The following AATK variants were observed in gnomAD, a reference collection of about 807,000 sequenced individuals.
AATK encodes the protein lemur tail kinase 1, also known as serine/threonine-protein kinase LMTK1.
Under a neutral mutation model 114.3 loss-of-function variants are expected in AATK, and 91 were observed. The ratio of observed to expected loss-of-function variants is 0.80; its 90% CI spans 0.67 to 0.95. The LOEUF is 0.95. Ranked by LOEUF, AATK falls within the 40% of genes least tolerant of loss-of-function variation. AATK has a pLI of 0.00. For missense variants in AATK, 2,176 were observed against 1,965.2 expected (o/e 1.11, Z -2.03); for synonymous variants, 1,075 against 916.5 (o/e 1.17, Z -3.12).
At chr17:81,139,656 C>T (rs966106549) in intron 1 of AATK, among the ~76,000 whole-genome samples, 1 of 152,116 alleles carries the variant, frequency 6.6e-6, no homozygotes, top group African/African-American at 2.4e-5. Context: ...GCCCAAGTAG[C>T]TGCACTGAAA....
At chr17:81,159,445 C>T (rs12450689) in intron 1 of AATK, among the ~76,000 whole-genome samples, 120,017 of 152,012 alleles carry the variant, frequency 0.79, 47,504 homozygotes, top group East Asian at 0.85. Context: ...GCCCCGGACC[C>T]GCACCCCGGA....
chr17:81,121,588 G>A lies in AATK; in HGVS notation c.2348C>T (p.Ala783Val). The change falls in exon 11 of 14, where the codon GCC becomes GTC. Residue 783 changes from alanine to valine, a missense_variant. Ala to Val is a moderately conservative substitution (Grantham distance 64). Coordinates refer to ENST00000326724, the MANE Select transcript of AATK (RefSeq NM_001080395.3). ...TCCGGTAGTGCCCTCAGCCTCCGTG[G>A]CAAGCTTGGGCTCTGCCTGCGGGTG... is the stretch of plus-strand genomic sequence containing the variant. ...GDHPQAEPKL[A>V]TEAEGTTGPR... 1.3e-6 allele frequency: 2 copies of A among 1,504,668 alleles called. No homozygotes were observed. The highest frequency in any genetic ancestry group is 2.7e-5 in the South Asian group (2 of 74,546). 93.2% of individuals were successfully genotyped at this position (1,504,668 alleles called of 1,614,324 possible).
chr17:81,121,866 G>T lies in AATK; in HGVS notation c.2070C>A (p.Ser690Arg). The change falls in exon 11 of 14, where the codon AGC (serine) becomes AGA (arginine). Residue 690 changes from serine (S) to arginine (R), a missense_variant. Physicochemically the swap from Ser to Arg is moderately radical, Grantham distance 110. Coordinates refer to ENST00000326724, the MANE Select transcript of AATK (RefSeq NM_001080395.3). ...CGGGGTCCCAGGACTCTGGACAGCG[G>T]CTGCCGCTGTTGTTGTTGGCTGACA... ...SNVSANNNSGSRCPESWDPVS... is the reference protein window; with the variant it reads ...SNVSANNNSGRRCPESWDPVS... The T allele has an allele frequency of 6.3e-7, 1 of 1,597,344 alleles. No individual in the cohort carries two copies. The highest frequency in any genetic ancestry group is 8.5e-7 in the Non-Finnish European group (1 of 1,178,422).
At position 81,122,290 on chromosome 17, in the gene AATK, C is replaced by CCGGCGCAGT. The variant is rs1454858995; in HGVS notation, c.1637_1645dup (p.Asp546_Ala548dup). ...GGTGGCAGGTGGACTGGGGGCGCAG[C>CCGGCGCAGT]CGGCGCAGTCAGGGTCGTGGCCGGC... On this transcript the variant is annotated inframe_insertion, in exon 11 of 14. Transcript: ENST00000326724. The CCGGCGCAGT allele has an allele frequency of 4.0e-6, 6 of 1,502,976 alleles. No individual in the cohort carries two copies. The highest frequency in any genetic ancestry group is 5.3e-6 in the Non-Finnish European group (6 of 1,132,948). 93.1% of individuals were successfully genotyped at this position (1,502,976 alleles called of 1,614,324 possible). A position where few individuals can be genotyped will look rare whatever the true frequency, so the allele number is the denominator to read the frequency against.
Position 81,119,411 on chromosome 17 carries a change from G to C in AATK, c.4053C>G (p.His1351Gln). The C allele has an allele frequency of 6.5e-7, 1 of 1,547,582 alleles. No homozygotes were observed. The highest frequency in any genetic ancestry group is 8.7e-7 in the Non-Finnish European group (1 of 1,153,894). ...PAPTSRFSIT[H>Q]VSDSDAESKR... ...TGGACTCGGCGTCCGAGTCAGACACGTGCGTGATGGAGAAGCGGGACGTGG... is the reference window on the plus strand; with the variant it reads ...TGGACTCGGCGTCCGAGTCAGACACCTGCGTGATGGAGAAGCGGGACGTGG... The change falls in exon 13 of 14, where the codon CAC (histidine) becomes CAG (glutamine). Residue 1351 changes from histidine to glutamine, a missense_variant. By Grantham distance (24) the His-to-Gln change is conservative (BLOSUM62 0). This residue lies in a region of AATK where 1,701 missense variants were observed against 1,394.7 expected (regional missense o/e 1.22). Transcript: ENST00000326724.
At chr17:81,147,159 G>A (rs1177196758) in intron 1 of AATK, among the ~76,000 whole-genome samples, 12 of 151,522 alleles carry the variant, frequency 7.9e-5, no homozygotes, top group African/African-American at 1.9e-4. Flanking sequence ...TCGGGAGATC[G>A]AGACCATCCT....
At chr17:81,165,297 G>A (rs1020075195) in intron 1 of AATK, among the ~76,000 whole-genome samples, 1 of 152,188 alleles carries the variant, frequency 6.6e-6, no homozygotes, top group South Asian at 2.1e-4. Context: ...CGCCCTGCCC[G>A]GTGCACTGGC....
chr17:81,133,129 T>C, intron 2 of AATK: 1 of 437,916 alleles, frequency 2.3e-6, no homozygotes. Flanking sequence ...TGGGCAGGAG[T>C]GCAGACCCCA....
At position 81,166,208 on chromosome 17, in the gene AATK, C is replaced by A. The variant is rs1425451243; in HGVS notation, c.-216G>T. 1 of 145,644 alleles carries A rather than the reference C, an allele frequency of 6.9e-6. No individual in the cohort carries two copies. The highest frequency in any genetic ancestry group is 2.6e-5 in the African/African-American group (1 of 37,988). 9.0% of individuals were successfully genotyped at this position (145,644 alleles called of 1,614,324 possible). On this transcript the variant is annotated 5_prime_UTR_variant, in exon 1 of 14. Transcript: ENST00000326724. ...GCCCGGCCCTGGCGCCGCGGGGCTC[C>A]GCTGGTGCAGTCCGAAAACGCGGGC...
chr17:81,119,238 G>A lies in AATK; in HGVS notation c.4084+142C>T, dbSNP rs933717373. ...GGGTCCAGGCTAGGTCTGGGGCCGGGAAGGAGCGGGGCCGGGAAGGAGCGG... is the reference window on the plus strand; with the variant it reads ...GGGTCCAGGCTAGGTCTGGGGCCGGAAAGGAGCGGGGCCGGGAAGGAGCGG... On this transcript the variant is annotated intron_variant, in intron 13 of 13. Transcript: ENST00000326724. The A allele has an allele frequency of 9.4e-4, 204 of 216,650 alleles. 1 individual carries two copies. Among genetic ancestry groups the A allele is most frequent in the African/African-American group, 7.0e-3 (165 of 23,690 alleles). The allele number at this position is 216,650 out of a possible 1,614,324, so 13.4% of individuals were successfully genotyped here.
chr17:81,152,631 G>T (rs2061312822), intron 1 of AATK, among the ~76,000 whole-genome samples: 1 of 151,984 alleles, frequency 6.6e-6, no homozygotes, highest in Non-Finnish European at 1.5e-5. Context: ...AGAAGAAGAA[G>T]AATTCAACCA....
rs748435894 is a variant in AATK, at chr17:81,118,400, T to G, written c.*2A>C. On this transcript the variant is annotated 3_prime_UTR_variant, in exon 14 of 14. Coordinates refer to ENST00000326724, the MANE Select transcript of AATK (RefSeq NM_001080395.3). ...CCTTGAGGGGCAGGAGCTGCCCAGG[T>G]CTCAAGCCTCTTTACTCTCACCCCC... is the stretch of plus-strand genomic sequence containing the variant. 1.2e-6 allele frequency: 2 copies of G among 1,605,754 alleles called. No individual in the cohort carries two copies. Among genetic ancestry groups the G allele is most frequent in the Non-Finnish European group, 1.7e-6 (2 of 1,177,134 alleles).
At chr17:81,122,867 C>A in intron 10 of AATK, 44 bp from the exon 11 acceptor site, 1 of 1,400,460 alleles carries the variant, frequency 7.1e-7, no homozygotes, top group Non-Finnish European at 9.4e-7. Context: ...GCAACGCTGG[C>A]CAGGAACGCG....
intron 1 of AATK, among the ~76,000 whole-genome samples, chr17:81,153,074 T>C (rs2061317675): frequency 6.6e-6 from 1 of 152,154 alleles, no homozygotes; most frequent in African/African-American, 2.4e-5. Context: ...ACTCCCGACC[T>C]CAGGTGATCC....
intron 1 of AATK, among the ~76,000 whole-genome samples, chr17:81,143,193 C>G (rs1055071452): frequency 1.3e-5 from 2 of 151,986 alleles, no homozygotes; most frequent in Non-Finnish European, 2.9e-5. Flanking sequence ...ACACCTGGCT[C>G]GATGAGCCCC....
At position 81,119,969 on chromosome 17, in the gene AATK, C is replaced by A; in HGVS notation, c.3850G>T (p.Asp1284Tyr). 6.9e-7 allele frequency: 1 copy of A among 1,450,126 alleles called. No individual in the cohort carries two copies. 89.8% of individuals were successfully genotyped at this position (1,450,126 alleles called of 1,614,324 possible). Residue 1284 changes from aspartate (D) to tyrosine (Y), a missense_variant, in exon 12 of 14, where the codon GAT becomes TAT. Physicochemically the swap from Asp to Tyr is radical, Grantham distance 160. Transcript: ENST00000326724. ...GCTGTGGAGCCATTTGGGGAGCCAT[C>A]AGCCTGCTGCGGCCGGTTGGGGGCG... ...PSAPNRPQQA[D>Y]GSPNGSTAEE...
Position 81,119,372 on chromosome 17 carries a change from G to A in AATK, c.4084+8C>T, listed in dbSNP as rs1484995539. The A allele has an allele frequency of 2.5e-6, 4 of 1,571,384 alleles. No homozygotes were observed. The highest frequency in any genetic ancestry group is 1.4e-5 in the African/African-American group (1 of 70,446). On this transcript the variant is annotated splice_region_variant and intron_variant, in intron 13 of 13. Coordinates refer to ENST00000326724, the MANE Select transcript of AATK (RefSeq NM_001080395.3). ...TGCCCTTCTGCCACAGCCCCGCCCAGGCCTCACCTCTCTTGGACTCGGCGT... is the reference window on the plus strand; with the variant it reads ...TGCCCTTCTGCCACAGCCCCGCCCAAGCCTCACCTCTCTTGGACTCGGCGT...
intron 1 of AATK, among the ~76,000 whole-genome samples, chr17:81,142,369 C>A (rs967710531): frequency 6.6e-6 from 1 of 151,640 alleles, no homozygotes; most frequent in Non-Finnish European, 1.5e-5. Flanking sequence ...AACTCCTGGG[C>A]TCAAATAATC....
At position 81,165,936 on chromosome 17, in the gene AATK, A is replaced by AC; in HGVS notation, c.55+1dup. ...GCGCAGGCCGGGCCGCCAGGGACTC[A>AC]CCGGGGTCGAAGTGCGAGCTGAAGG... On this transcript the variant is annotated splice_donor_variant, in intron 1 of 13. Coordinates refer to ENST00000326724, the MANE Select transcript of AATK (RefSeq NM_001080395.3). LOFTEE classifies it high-confidence loss of function. 6.3e-7 allele frequency: 1 copy of AC among 1,579,684 alleles called. No individual in the cohort carries two copies. Among genetic ancestry groups the AC allele is most frequent in the Non-Finnish European group, 8.6e-7 (1 of 1,164,536 alleles).
Sources: allele counts gnomAD v4.1 joint callset (sites outside exome capture counted in the v4.1 genomes callset), GRCh38; gene constraint gnomAD v4.1.1; regional missense constraint gnomAD v4.1.1; transcripts MANE v1.5; gene names NCBI Gene and HGNC (gene_info 2026-07-23, HGNC 2026-07-21).